Variants in SPECC1 observed in about 807,000 individuals in gnomAD.
SPECC1 encodes cytospin-B.
A neutral mutation model predicts 104.1 loss-of-function variants in SPECC1; 62 were observed. That is an observed-to-expected ratio of 0.60 (90% CI 0.49 to 0.74). The LOEUF is 0.74. Among genes scored for constraint, SPECC1 ranks in the 30% least tolerant of loss-of-function variants. The pLI, the probability that SPECC1 is intolerant of heterozygous loss-of-function variation, is 0.00. For missense variants in SPECC1, 1,306 were observed against 1,310.5 expected (o/e 1.00, Z 0.05); for synonymous variants, 513 against 501.6 (o/e 1.02, Z -0.30).
chr17:20,239,282 T>G (rs2039083409), intron 7 of SPECC1: 2 of 1,013,654 alleles, frequency 2.0e-6, no homozygotes, highest in Admixed American at 1.2e-4. Flanking sequence ...AATGGAGACG[T>G]GTGAAGAAAA....
chr17:20,033,959 A>G (rs773306896), intron 1 of SPECC1, among the ~76,000 whole-genome samples: 3 of 152,228 alleles, frequency 2.0e-5, no homozygotes, highest in Non-Finnish European at 4.4e-5. Context: ...TAGCAAATTT[A>G]ACAGCTGTTG....
intron 1 of SPECC1, among the ~76,000 whole-genome samples, chr17:20,059,822 A>G (rs1392490237): frequency 2.6e-5 from 4 of 152,192 alleles, no homozygotes; most frequent in Non-Finnish European, 5.9e-5. Flanking sequence ...TGATCGTGCC[A>G]CTGCACTCCA....
At chr17:20,227,150 G>A (rs1474143438) in intron 4 of SPECC1, among the ~76,000 whole-genome samples, 5 of 152,192 alleles carry the variant, frequency 3.3e-5, no homozygotes, top group African/African-American at 7.2e-5. Flanking sequence ...GTGTTTCTCT[G>A]ACTATTCACA....
chr17:20,296,798 T>C lies in SPECC1; in HGVS notation c.2941-163T>C, dbSNP rs1598160114. Among the ~76,000 whole-genome samples the C allele has an allele frequency of 2.0e-5, 3 of 152,148 alleles. 1 individual carries two copies. The South Asian group carries it at 6.2e-4, about 32-fold the overall frequency. ...CTTTGTAGCATTTGTGAATGAGAGTTCACTCGTGAATTCGGCTCTCTGTCT... is the reference window on the plus strand; with the variant it reads ...CTTTGTAGCATTTGTGAATGAGAGTCCACTCGTGAATTCGGCTCTCTGTCT... On this transcript the variant is annotated intron_variant, in intron 12 of 14. Coordinates refer to ENST00000395527, the MANE Select transcript of SPECC1 (RefSeq NM_001243439.2).
intron 4 of SPECC1, among the ~76,000 whole-genome samples, chr17:20,208,813 AT>A (rs2036950201): frequency 6.6e-6 from 1 of 152,108 alleles, no homozygotes; most frequent in Non-Finnish European, 1.5e-5. Context: ...TTGGTGGTTT[AT>A]TTTTAGAGAC....
At chr17:20,197,883 A>AT (rs1039191343) in intron 3 of SPECC1, among the ~76,000 whole-genome samples, 19 of 151,662 alleles carry the variant, frequency 1.3e-4, no homozygotes, top group Non-Finnish European at 2.4e-4. Flanking sequence ...TAGCCTTAGA[A>AT]TTTTTTTTTG....
At position 20,217,971 on chromosome 17, in the gene SPECC1, G is replaced by A. The variant is rs2037613364; in HGVS notation, c.1864-9442G>A. On this transcript the variant is annotated intron_variant, in intron 4 of 14. Transcript: ENST00000395527. Reference sequence around the variant, plus strand: ...TGGCTTGAGCCAGGAGATAGAGGCTGCAATGACCCGTGATCGTGCCACTGT... The same window carrying A: ...TGGCTTGAGCCAGGAGATAGAGGCTACAATGACCCGTGATCGTGCCACTGT... Among the ~76,000 whole-genome samples the A allele has an allele frequency of 2.6e-5, 4 of 152,308 alleles. No individual in the cohort carries two copies. The South Asian group carries it at 6.2e-4, about 24-fold the overall frequency.
At chr17:20,165,241 C>G (rs372522016) in intron 3 of SPECC1, among the ~76,000 whole-genome samples, 1 of 152,130 alleles carries the variant, frequency 6.6e-6, no homozygotes, top group Non-Finnish European at 1.5e-5. Context: ...TTGTTCCCCC[C>G]ACCCCCTGTG....
intron 1 of SPECC1, among the ~76,000 whole-genome samples, chr17:20,066,946 C>T (rs1028668238): frequency 1.5e-5 from 2 of 130,026 alleles, no homozygotes; most frequent in Admixed American, 8.3e-5. Flanking sequence ...GAGATAAGGG[C>T]TTTTATGTTG....
At chr17:20,140,589 A>C in intron 3 of SPECC1, among the ~76,000 whole-genome samples, 1 of 152,212 alleles carries the variant, frequency 6.6e-6, no homozygotes, top group Non-Finnish European at 1.5e-5. Flanking sequence ...GTTTGGGAAC[A>C]AATATGCTTG....
intron 7 of SPECC1, chr17:20,238,508 A>G (rs2039042604): frequency 9.6e-7 from 1 of 1,042,216 alleles, no homozygotes; most frequent in Non-Finnish European, 1.2e-6. Context: ...ACTGTCTAAT[A>G]AAAGGAAAAT....
intron 1 of SPECC1, chr17:20,073,612 C>T (rs1335628292): frequency 4.6e-5 from 7 of 152,206 alleles, no homozygotes; most frequent in African/African-American, 1.7e-4. Flanking sequence ...TGGTTTTCCT[C>T]CCAGGCCAGC....
At chr17:20,162,348 G>A (rs1299075759) in intron 3 of SPECC1, among the ~76,000 whole-genome samples, 3 of 150,532 alleles carry the variant, frequency 2.0e-5, no homozygotes, top group Non-Finnish European at 3.0e-5. Flanking sequence ...GGGTTTCACC[G>A]CGTTAGCCAG....
intron 9 of SPECC1, among the ~76,000 whole-genome samples, chr17:20,249,632 G>C (rs867910638): frequency 6.6e-6 from 1 of 152,028 alleles, no homozygotes; most frequent in African/African-American, 2.4e-5. Flanking sequence ...GTATAAAAAA[G>C]AATCTGTTAG....
Position 20,205,107 on chromosome 17 carries a change from C to G in SPECC1, c.1058C>G (p.Ser353Ter). Reference protein sequence around the residue: ...LSSTSNPFKSSKCSTAGSSPN... With the variant: ...LSSTSNPFKS ...TCCACCAGTAACCCCTTTAAGAGTT[C>G]AAAGTGTTCTACTGCTGGGAGTTCC... is the stretch of plus-strand genomic sequence containing the variant. Residue 353 changes from serine (S) to a stop codon, truncating the protein, a stop_gained, in exon 4 of 15, where the codon TCA (serine) becomes TGA (stop). Coordinates refer to ENST00000395527, the MANE Select transcript of SPECC1 (RefSeq NM_001243439.2). LOFTEE classifies it high-confidence loss of function. 2 of 1,614,136 alleles carry G rather than the reference C, an allele frequency of 1.2e-6. No homozygotes were observed. The highest frequency in any genetic ancestry group is 1.7e-6 in the Non-Finnish European group (2 of 1,180,022).
At chr17:20,045,536 C>G (rs1303482125) in intron 1 of SPECC1, among the ~76,000 whole-genome samples, 6 of 152,162 alleles carry the variant, frequency 3.9e-5, no homozygotes, top group African/African-American at 1.4e-4. Context: ...TCTCAGATGA[C>G]ATAAGGTTCT....
chr17:20,238,934 G>GC, intron 7 of SPECC1: 1 of 1,040,606 alleles, frequency 9.6e-7, no homozygotes, highest in Non-Finnish European at 1.2e-6. Flanking sequence ...GTTTCTGCAG[G>GC]GCCTTTATGT....
chr17:20,238,042 C>CCTT, intron 7 of SPECC1: 1 of 1,022,128 alleles, frequency 9.8e-7, no homozygotes, highest in Non-Finnish European at 1.2e-6. Context: ...ATGTCTGGCC[C>CCTT]CTTCTGTGGG....
chr17:20,196,845 G>A (rs1251409451), intron 3 of SPECC1, among the ~76,000 whole-genome samples: 1 of 152,056 alleles, frequency 6.6e-6, no homozygotes, highest in African/African-American at 2.4e-5. Flanking sequence ...CTTAATATCT[G>A]ACCTGCATAA....
Sources: gnomAD v4.1 joint callset for allele counts (sites outside exome capture counted in the v4.1 genomes callset) on GRCh38, gnomAD v4.1.1 for gene constraint, MANE v1.5 for transcripts, NCBI Gene and HGNC (gene_info 2026-07-23, HGNC 2026-07-21) for gene names.